CDHR4: variants seen among roughly 807,000 people sequenced by gnomAD.
The protein encoded by CDHR4 is cadherin related family member 4, also known as cadherin-related family member 4.
A neutral mutation model predicts 88.4 loss-of-function variants in CDHR4; 89 were observed. The observed-to-expected ratio is 1.01, with a 90% CI of 0.85 to 1.20. The LOEUF is 1.20. Among genes scored for constraint, CDHR4 ranks in the 50% most tolerant of loss-of-function variants. CDHR4 has a pLI of 0.00. For missense variants in CDHR4, 914 were observed against 1,007.2 expected, an observed-to-expected ratio of 0.91 and a Z score of 1.25; for synonymous variants, 368 against 399.2, an observed-to-expected ratio of 0.92 and a Z score of 0.93.
In CDHR4 at chr3:49,798,885, T is replaced by C; in HGVS notation, c.436A>G (p.Thr146Ala). The C allele has an allele frequency of 6.2e-7, 1 of 1,613,808 alleles. No homozygotes were observed. The highest frequency in any genetic ancestry group is 8.5e-7 in the Non-Finnish European group (1 of 1,179,838). ...AGAGTGTACAGCCGAGCCCCAGGTG[T>C]GACTGTCTCTGGCACCTGAATCATT... ...GEMIQVPETV[T>A]PGARLYTLLL... Residue 146 changes from threonine (T) to alanine (A), a missense_variant, in exon 4 of 19, where the codon ACA becomes GCA. Coordinates refer to ENST00000412678, the MANE Select transcript of CDHR4 (RefSeq NM_001007540.4).
At position 49,794,840 on chromosome 3, in the gene CDHR4, C is replaced by A. The variant is rs975697452; in HGVS notation, c.1185+107G>T. The A allele has an allele frequency of 1.2e-5, 17 of 1,468,754 alleles. No homozygotes were observed. In the Admixed American group the frequency reaches 3.5e-4, roughly 30 times the overall value. 91.0% of individuals were successfully genotyped at this position (1,468,754 alleles called of 1,614,324 possible). A position where few individuals can be genotyped will look rare whatever the true frequency, so the allele number is the denominator to read the frequency against. ...CAGACTGCAACACAGGTTGGCTCGA[C>A]AGCCATCCCTCCACCCCCACTCCCG... is the stretch of plus-strand genomic sequence containing the variant. On this transcript the variant is annotated intron_variant, in intron 9 of 18. Transcript: ENST00000412678.
At chr3:49,797,907 ACT>A (rs2081295283) in intron 4 of CDHR4, among the ~76,000 whole-genome samples, 1 of 133,926 alleles carries the variant, frequency 7.5e-6, no homozygotes, top group South Asian at 2.3e-4. Context: ...GTTTTTAAAT[ACT>A]TTTTTTTTTT....
chr3:49,795,464 A>G lies in CDHR4; in HGVS notation c.848-85T>C. ...CTCCCAGCTCAGTCCCACTCCTGCC[A>G]GCCCACCAGATCCATAGGCAAAGGA... On this transcript the variant is annotated intron_variant, in intron 7 of 18. Coordinates refer to ENST00000412678, the MANE Select transcript of CDHR4 (RefSeq NM_001007540.4). This position sits in a 1 kb window ranked among gnomAD's most constrained non-coding sequence, Gnocchi z 5.4. The G allele has an allele frequency of 2.7e-6, 4 of 1,503,824 alleles. No individual in the cohort carries two copies. The highest frequency in any genetic ancestry group is 3.6e-6 in the Non-Finnish European group (4 of 1,120,752). 93.2% of individuals were successfully genotyped at this position (1,503,824 alleles called of 1,614,324 possible).
At chr3:49,799,471 C>G in intron 1 of CDHR4, 34 bp from the exon 2 acceptor site, 2 of 1,553,418 alleles carry the variant, frequency 1.3e-6, no homozygotes, top group South Asian at 1.2e-5. Flanking sequence ...CTGGAGGCCC[C>G]CAGGCTGATG....
In CDHR4 at chr3:49,791,885, T is replaced by TGGGATCCC; in HGVS notation, c.2195+17_2195+18insGGGATCCC. 1 of 1,551,600 alleles carries TGGGATCCC rather than the reference T, an allele frequency of 6.4e-7. No individual in the cohort carries two copies. Among genetic ancestry groups the TGGGATCCC allele is most frequent in the Non-Finnish European group, 8.7e-7 (1 of 1,146,948 alleles). ...AGAGATGGGATCCCAGGCATAGAAG[T>TGGGATCCC]ATGCAAAGGAGACTGACCTGTTTAG... On this transcript the variant is annotated intron_variant, in intron 16 of 18. Transcript: ENST00000412678.
intron 5 of CDHR4, 133 bp from the exon 6 acceptor site, chr3:49,796,179 T>C (rs1014941268): frequency 1.0e-5 from 6 of 600,386 alleles, no homozygotes; most frequent in Admixed American, 3.4e-5. Context: ...CTCTTCCCCA[T>C]GATCCCCATG....
chr3:49,797,123 AG>A lies in CDHR4; in HGVS notation c.496-92del, dbSNP rs1674367353. Reference sequence around the variant, plus strand: ...CCCAGCAGCAACCCTCCAGCAACCCAGCAGGCACCTGCCTACACCCAATTTA... The same window carrying A: ...CCCAGCAGCAACCCTCCAGCAACCCACAGGCACCTGCCTACACCCAATTTA... On this transcript the variant is annotated intron_variant, in intron 4 of 18. Coordinates refer to ENST00000412678, the MANE Select transcript of CDHR4 (RefSeq NM_001007540.4). The A allele has an allele frequency of 4.3e-6, 4 of 929,604 alleles. No individual in the cohort carries two copies. In the African/African-American group the frequency reaches 4.9e-5, roughly 11 times the overall value. 57.6% of individuals were successfully genotyped at this position (929,604 alleles called of 1,614,324 possible). A position where few individuals can be genotyped will look rare whatever the true frequency, so the allele number is the denominator to read the frequency against.
intron 12 of CDHR4, 74 bp downstream of exon 12, chr3:49,793,509 A>C: frequency 6.6e-7 from 1 of 1,522,434 alleles, no homozygotes; most frequent in Non-Finnish European, 8.8e-7. Flanking sequence ...AGAGTGGAAA[A>C]GCAGAACACC....
rs2081264955 is a variant in CDHR4 at position 49,795,930 on chromosome 3, AG to A, written c.710+12del. 1 of 1,530,060 alleles carries A rather than the reference AG, an allele frequency of 6.5e-7. No homozygotes were observed. The highest frequency in any genetic ancestry group is 1.8e-4 in the Middle Eastern group (1 of 5,604). 94.8% of individuals were successfully genotyped at this position (1,530,060 alleles called of 1,614,324 possible). On this transcript the variant is annotated intron_variant, in intron 6 of 18. Transcript: ENST00000412678. The surrounding 1 kb of genome is among the most constrained non-coding windows in gnomAD (Gnocchi z 5.4). ...CCTTCCTCCCTCACTGTTCCAGGGT[AG>A]GGGAGCCTTACAGGAAGGAGACCTG...
intron 15 of CDHR4, 120 bp from the exon 16 acceptor site, chr3:49,792,079 C>A: frequency 1.0e-6 from 1 of 976,874 alleles, no homozygotes; most frequent in Non-Finnish European, 1.6e-6. Flanking sequence ...GCAGTGCCCA[C>A]ATTGTTACAT....
rs2081264055 is a variant in CDHR4 at position 49,795,875 on chromosome 3, C to T, written c.710+68G>A. ...AGGGCTGGGACTCAGCTCCAGCAGCCTCACCCTACCTGATTCCCTGGGGCT... is the reference window on the plus strand; with the variant it reads ...AGGGCTGGGACTCAGCTCCAGCAGCTTCACCCTACCTGATTCCCTGGGGCT... On this transcript the variant is annotated intron_variant, in intron 6 of 18. Coordinates refer to ENST00000412678, the MANE Select transcript of CDHR4 (RefSeq NM_001007540.4). This position sits in a 1 kb window ranked among gnomAD's most constrained non-coding sequence, Gnocchi z 5.4. 1 of 1,515,382 alleles carries T rather than the reference C, an allele frequency of 6.6e-7. No homozygotes were observed. The highest frequency in any genetic ancestry group is 1.4e-5 in the African/African-American group (1 of 72,462). 93.9% of individuals were successfully genotyped at this position (1,515,382 alleles called of 1,614,324 possible).
intron 9 of CDHR4, 120 bp from the exon 10 acceptor site, chr3:49,794,821 G>T (rs2108281479): frequency 6.9e-7 from 1 of 1,442,640 alleles, no homozygotes; most frequent in Non-Finnish European, 9.4e-7. Flanking sequence ...TTTCCAGACT[G>T]CAACACAGGT....
Position 49,799,032 on chromosome 3 carries a change from A to C in CDHR4, c.365T>G (p.Leu122Arg). ...GSLSVDVQRD[L>R]SHIQCAGQFA... ...TTGACCAGCACACTGGATATGGCTA[A>C]GGTCCCGCTGCACATCCACAGAGAG... Residue 122 changes from leucine to arginine, a missense_variant, in exon 3 of 19, where the codon CTT becomes CGT. Leu to Arg is a moderately radical substitution (Grantham distance 102, BLOSUM62 -2). Coordinates refer to ENST00000412678, the MANE Select transcript of CDHR4 (RefSeq NM_001007540.4). The C allele has an allele frequency of 6.2e-7, 1 of 1,604,322 alleles. No individual in the cohort carries two copies. The highest frequency in any genetic ancestry group is 1.3e-5 in the African/African-American group (1 of 74,884).
chr3:49,797,334 A>C (rs71324996), intron 4 of CDHR4, among the ~76,000 whole-genome samples: 32,288 of 149,816 alleles, frequency 0.22, 4,356 homozygotes, highest in Non-Finnish European at 0.31. Context: ...GCTGGAGTGC[A>C]GTGGTGCGAT....
chr3:49,799,367 T>C lies in CDHR4; in HGVS notation c.120A>G (p.Leu40=), dbSNP rs1042178820. 9.3e-6 allele frequency: 15 copies of C among 1,612,568 alleles called. No homozygotes were observed. The highest frequency in any genetic ancestry group is 1.7e-5 in the Admixed American group (1 of 59,742). ...SQGPGTVLQF[L]SFNCSSYTPT... ...GCGTGTAGGAGGAGCAGTTGAAGGATAAAAACTGAAGGACTGTGCCAGGGC... is the reference window on the plus strand; with the variant it reads ...GCGTGTAGGAGGAGCAGTTGAAGGACAAAAACTGAAGGACTGTGCCAGGGC... Residue 40 remains leucine, a synonymous_variant, in exon 2 of 19, where the codon TTA becomes TTG. Transcript: ENST00000412678.
chr3:49,794,577 C>T (rs1481051483), intron 10 of CDHR4, 31 bp downstream of exon 10: 2 of 1,521,368 alleles, frequency 1.3e-6, no homozygotes, highest in African/African-American at 1.4e-5. Flanking sequence ...CAGCCTTGTC[C>T]TGGGTGTCCA....
At chr3:49,796,111 G>T in intron 5 of CDHR4, 65 bp from the exon 6 acceptor site, 1 of 1,229,432 alleles carries the variant, frequency 8.1e-7, no homozygotes, top group Non-Finnish European at 1.1e-6. Context: ...TCTATGCCCA[G>T]TCCTCCCCTT....
intron 12 of CDHR4, 66 bp from the exon 13 acceptor site, chr3:49,793,377 A>G: frequency 6.6e-7 from 1 of 1,518,110 alleles, no homozygotes; most frequent in Non-Finnish European, 8.9e-7. Flanking sequence ...CCAGCCCCTC[A>G]ACTTCTTCTC....
chr3:49,797,315 G>C (rs1236049594), intron 4 of CDHR4, among the ~76,000 whole-genome samples: 1 of 147,336 alleles, frequency 6.8e-6, no homozygotes, highest in Non-Finnish European at 1.5e-5. Flanking sequence ...GTCTCTCTCT[G>C]TCGCCCAGGC....
Sources: allele counts gnomAD v4.1 joint callset (sites outside exome capture counted in the v4.1 genomes callset), GRCh38; gene constraint gnomAD v4.1.1; non-coding constraint Gnocchi (gnomAD v3.1); transcripts MANE v1.5; gene names NCBI Gene and HGNC (gene_info 2026-07-23, HGNC 2026-07-21).